The following STK3 variants were observed in gnomAD, a reference collection of about 807,000 sequenced individuals.
STK3 encodes the protein serine/threonine-protein kinase 3.
In STK3, 41 loss-of-function variants were observed where a neutral mutation model predicts 58.0. That is an observed-to-expected ratio of 0.71 (90% CI 0.55 to 0.92). The LOEUF (loss-of-function observed/expected upper bound fraction) is 0.92, where lower values mean the gene tolerates loss of function less well. STK3 is among the 40% of genes least tolerant of loss of function. The pLI is 0.00. For synonymous variants in STK3, 170 were observed against 191.0 expected, an observed-to-expected ratio of 0.89 and a Z score of 0.91; for missense variants, 479 against 602.7, an observed-to-expected ratio of 0.79 and a Z score of 2.15.
Position 98,548,149 on chromosome 8 carries a change from G to C in STK3, c.961C>G (p.Leu321Val). The change falls in exon 9 of 11, where the codon CTG becomes GTG. Residue 321 changes from leucine to valine, a missense_variant. Physicochemically the swap from Leu to Val is conservative, Grantham distance 32 (BLOSUM62 1). Transcript: ENST00000419617. The stretch of plus-strand genomic sequence containing the variant: ...GTCTTCACCATGGTGTGGGAATCCA[G>C]CTCATCTTCATCCTGCAAGCAAAAT... ...EEEENSDEDE[L>V]DSHTMVKTSV... 6.5e-7 allele frequency: 1 copy of C among 1,548,952 alleles called. No homozygotes were observed. The highest frequency in any genetic ancestry group is 8.7e-7 in the Non-Finnish European group (1 of 1,149,710).
At chr8:98,872,746 C>T (rs1554693451) in intron 3 of STK3, among the ~76,000 whole-genome samples, 1 of 151,910 alleles carries the variant, frequency 6.6e-6, no homozygotes, top group Admixed American at 6.6e-5. Context: ...CTTTATTAGT[C>T]TTGCTAGTGG....
At chr8:98,841,588 G>T (rs910309016) in intron 3 of STK3, among the ~76,000 whole-genome samples, 7 of 151,196 alleles carry the variant, frequency 4.6e-5, no homozygotes, top group African/African-American at 1.7e-4. Context: ...GGCTTTGGGA[G>T]GCTGAAGTGA....
rs193177664 is a variant in STK3, at chr8:98,719,452, T to A, written c.352-12141A>T. The stretch of plus-strand genomic sequence containing the variant: ...CTACTAAAGAATGTTCAGAATTAAA[T>A]AAACTGACTGTACTTCAGGGTCTTA... On this transcript the variant is annotated intron_variant, in intron 4 of 10. Transcript: ENST00000419617. 1.7e-3 allele frequency among the ~76,000 whole-genome samples: 258 copies of A among 152,292 alleles called. 2 individuals are homozygous for A. Among genetic ancestry groups the A allele is most frequent in the South Asian group, 6.0e-3 (29 of 4,830 alleles).
chr8:98,786,893 T>C (rs1396186607), intron 1 of STK3, among the ~76,000 whole-genome samples: 3 of 152,008 alleles, frequency 2.0e-5, no homozygotes, highest in Admixed American at 1.3e-4. Flanking sequence ...AAGGTCAATG[T>C]GGTGCGGTGG....
In STK3 at chr8:98,597,685, G is replaced by A. The variant is rs370990370; in HGVS notation, c.685-1516C>T. The A allele has an allele frequency of 1.8e-5, 18 of 985,348 alleles. 1 individual carries two copies. The East Asian group carries it at 4.5e-4, about 25-fold the overall frequency. The allele number at this position is 985,348 out of a possible 1,614,324, so 61.0% of individuals were successfully genotyped here. On this transcript the variant is annotated intron_variant, in intron 6 of 10. Coordinates refer to ENST00000419617, the MANE Select transcript of STK3 (RefSeq NM_006281.4). Reference sequence around the variant, plus strand: ...AGGACATATGTTCTTCCTTTTGCGTGAGCTCTATCTAGCCTGGCTCAATTA... The same window carrying A: ...AGGACATATGTTCTTCCTTTTGCGTAAGCTCTATCTAGCCTGGCTCAATTA...
intron 10 of STK3, among the ~76,000 whole-genome samples, chr8:98,467,548 A>ATGTGTGTGTGTG (rs61136775): frequency 5.4e-5 from 8 of 148,086 alleles, no homozygotes; most frequent in African/African-American, 1.7e-4. Flanking sequence ...TATTTAAAAA[A>ATGTGTGTGTGTG]TGTGTGTGTG....
chr8:98,588,961 G>A (rs1367134659), intron 7 of STK3, among the ~76,000 whole-genome samples: 1 of 146,248 alleles, frequency 6.8e-6, no homozygotes, highest in African/African-American at 2.5e-5. Flanking sequence ...GCTCCTTTAA[G>A]CACTTCTCTG....
At chr8:98,728,679 C>A (rs1827961122) in intron 4 of STK3, among the ~76,000 whole-genome samples, 1 of 152,024 alleles carries the variant, frequency 6.6e-6, no homozygotes, top group African/African-American at 2.4e-5. Context: ...AGTTGTAAAT[C>A]CAGTATGAAC....
chr8:98,900,713 G>T lies in STK3; in HGVS notation c.-78-16879C>A, dbSNP rs531369212. Among the ~76,000 whole-genome samples, 6 of 150,346 alleles carry T rather than the reference G, an allele frequency of 4.0e-5. 1 individual carries two copies. The South Asian group carries it at 1.3e-3, about 32-fold the overall frequency. Reference sequence around the variant, plus strand: ...GTCTTGCTCTGTCACCCAGGCTGGAGTGCAGTGGTGCAATCTTAGCTCACT... The same window carrying T: ...GTCTTGCTCTGTCACCCAGGCTGGATTGCAGTGGTGCAATCTTAGCTCACT... On this transcript the variant is annotated intron_variant, in intron 1 of 1. Coordinates refer to the STK3 transcript ENST00000519420.
chr8:98,790,000 A>G (rs1373584040), intron 1 of STK3, among the ~76,000 whole-genome samples: 1 of 145,654 alleles, frequency 6.9e-6, no homozygotes, highest in Non-Finnish European at 1.5e-5. Flanking sequence ...TGCACTCCAG[A>G]CTGGGGGACA....
At chr8:98,703,553 G>T (rs898821928) in intron 6 of STK3, among the ~76,000 whole-genome samples, 1 of 152,064 alleles carries the variant, frequency 6.6e-6, no homozygotes, top group Non-Finnish European at 1.5e-5. Flanking sequence ...CCCACATGAC[G>T]GCTATGCAGC....
intron 3 of STK3, among the ~76,000 whole-genome samples, chr8:98,862,672 G>A (rs1222928178): frequency 3.9e-5 from 6 of 152,226 alleles, no homozygotes; most frequent in Non-Finnish European, 8.8e-5. Context: ...TCAAGCTCAT[G>A]CGATTTTAGT....
chr8:98,791,157 C>T lies in STK3; in HGVS notation c.27-16338G>A, dbSNP rs142682656. 7.7e-3 allele frequency among the ~76,000 whole-genome samples: 1,174 copies of T among 152,266 alleles called. 11 individuals are homozygous for T. The highest frequency in any genetic ancestry group is 0.011 in the Non-Finnish European group (777 of 68,014). On this transcript the variant is annotated intron_variant, in intron 1 of 10. Transcript: ENST00000419617. Reference sequence around the variant, plus strand: ...CAACATTAATGTACACAATCAGTATCTCTTCTATACACCAACAGCGACCAA... The same window carrying T: ...CAACATTAATGTACACAATCAGTATTTCTTCTATACACCAACAGCGACCAA...
chr8:98,575,049 T>C (rs1345679206), intron 8 of STK3, among the ~76,000 whole-genome samples: 1 of 152,110 alleles, frequency 6.6e-6, no homozygotes, highest in East Asian at 1.9e-4. Context: ...AAACATCTCT[T>C]TTGTTTATAG....
intron 1 of STK3, chr8:98,889,843 G>A (rs1003684630): frequency 3.3e-5 from 5 of 152,134 alleles, no homozygotes; most frequent in Admixed American, 1.3e-4. Context: ...AAGTTCCACC[G>A]GTTCTGGATT....
intron 3 of STK3, among the ~76,000 whole-genome samples, chr8:98,842,656 T>C (rs1173594850): frequency 6.6e-6 from 1 of 151,968 alleles, no homozygotes; most frequent in Non-Finnish European, 1.5e-5. Flanking sequence ...CCAGTCTGGG[T>C]AACAGAGTGA....
At chr8:98,701,473 G>A (rs1264455958) in intron 6 of STK3, among the ~76,000 whole-genome samples, 1 of 151,896 alleles carries the variant, frequency 6.6e-6, no homozygotes, top group Non-Finnish European at 1.5e-5. Context: ...CAAAAAATTA[G>A]CTTGGCATGG....
chr8:98,370,087 G>C (rs993075605), downstream of STK3, among the ~76,000 whole-genome samples: 1 of 101,934 alleles, frequency 9.8e-6, no homozygotes, highest in Non-Finnish European at 2.0e-5. Flanking sequence ...ATGGGATTTT[G>C]ATTTTTTTTT....
At chr8:98,362,640 A>G in the STK3 span, among the ~76,000 whole-genome samples, 1 of 152,168 alleles carries the variant, frequency 6.6e-6, no homozygotes, top group Non-Finnish European at 1.5e-5. Flanking sequence ...TCTAGGGCAA[A>G]GGCTGCTTAT....
Sources: allele counts gnomAD v4.1 joint callset (sites outside exome capture counted in the v4.1 genomes callset), GRCh38; gene constraint gnomAD v4.1.1; transcripts MANE v1.5; gene names NCBI Gene and HGNC (gene_info 2026-07-23, HGNC 2026-07-21).